Variants in PEAK1 observed in about 807,000 individuals in gnomAD.
PEAK1 encodes inactive tyrosine-protein kinase PEAK1.
Under a neutral mutation model 124.7 loss-of-function variants are expected in PEAK1, and 54 were observed. The ratio of observed to expected loss-of-function variants is 0.43; its 90% confidence interval spans 0.35 to 0.54. The LOEUF (loss-of-function observed/expected upper bound fraction) is 0.54, where lower values mean the gene tolerates loss of function less well. Among genes scored for constraint, PEAK1 ranks in the 20% least tolerant of loss-of-function variants. The pLI is 0.01. For missense variants in PEAK1, 2,046 were observed against 2,134.5 expected (o/e 0.96, Z 0.82); for synonymous variants, 719 against 760.0 (o/e 0.95, Z 0.89).
chr15:77,175,763 A>T (rs1280591476), intron 7 of PEAK1, among the ~76,000 whole-genome samples: 1 of 152,252 alleles, frequency 6.6e-6, no homozygotes, highest in Non-Finnish European at 1.5e-5. Flanking sequence ...GTATATACCC[A>T]AAGGATTATA....
intron 5 of PEAK1, among the ~76,000 whole-genome samples, chr15:77,254,800 G>A (rs536013608): frequency 7.9e-4 from 121 of 152,260 alleles, no homozygotes; most frequent in Admixed American, 2.0e-3. Flanking sequence ...ACTACTGTGT[G>A]AAAGGCAGTG....
chr15:77,250,152 T>A (rs28386806), intron 6 of PEAK1, among the ~76,000 whole-genome samples: 1 of 142,212 alleles, frequency 7.0e-6, no homozygotes, highest in Non-Finnish European at 1.5e-5. Flanking sequence ...AAGATATATA[T>A]ATACATATAT....
chr15:77,411,677 C>G (rs889985347), intron 1 of PEAK1, among the ~76,000 whole-genome samples: 1 of 152,252 alleles, frequency 6.6e-6, no homozygotes, highest in East Asian at 1.9e-4. Flanking sequence ...GCGATCATAG[C>G]TCACTGCAGC....
At chr15:77,254,525 T>C (rs1012239143) in intron 5 of PEAK1, among the ~76,000 whole-genome samples, 5 of 152,102 alleles carry the variant, frequency 3.3e-5, no homozygotes, top group Non-Finnish European at 7.4e-5. Context: ...CTTGACCTCC[T>C]AGGCTCAAGC....
chr15:77,401,649 A>T, intron 1 of PEAK1: 1 of 985,110 alleles, frequency 1.0e-6, no homozygotes, highest in Non-Finnish European at 1.2e-6. Flanking sequence ...ATTCATTAGA[A>T]CTTCAATGGA....
chr15:77,129,824 T>TAATA (rs968573390), intron 9 of PEAK1, among the ~76,000 whole-genome samples: 2 of 152,172 alleles, frequency 1.3e-5, no homozygotes, highest in African/African-American at 4.8e-5. Flanking sequence ...TAGACTATTA[T>TAATA]AAATTCCCTT....
chr15:77,179,567 C>A lies in PEAK1; in HGVS notation c.2360G>T (p.Gly787Val). The A allele has an allele frequency of 1.9e-6, 3 of 1,614,064 alleles. No homozygotes were observed. The highest frequency in any genetic ancestry group is 2.5e-6 in the Non-Finnish European group (3 of 1,179,974). ...CTCTTCCACACTGCAAGCTTTAGGGCCAGATTGAGGTGTTTCTGGAGGAGA... is the reference window on the plus strand; with the variant it reads ...CTCTTCCACACTGCAAGCTTTAGGGACAGATTGAGGTGTTTCTGGAGGAGA... Reference protein sequence around the residue: ...PQSPPETPQSGPKACSVEELY... With the variant: ...PQSPPETPQSVPKACSVEELY... Residue 787 changes from glycine to valine, a missense_variant, in exon 7 of 10, where the codon GGC becomes GTC. Gly to Val is a moderately radical substitution (Grantham distance 109). Transcript: ENST00000682557.
At chr15:77,338,640 A>T (rs1010787203) in intron 2 of PEAK1, among the ~76,000 whole-genome samples, 93 of 142,582 alleles carry the variant, frequency 6.5e-4, no homozygotes, top group African/African-American at 2.3e-3. Context: ...TCTTTAAAAA[A>T]AAAAATATAT....
intron 6 of PEAK1, among the ~76,000 whole-genome samples, chr15:77,182,277 G>C (rs986515674): frequency 2.0e-5 from 3 of 152,072 alleles, no homozygotes; most frequent in Non-Finnish European, 2.9e-5. Context: ...TCTTCAGCTT[G>C]ATGTCTCTGT....
intron 2 of PEAK1, chr15:77,348,300 G>A (rs2141408598): frequency 1.1e-6 from 1 of 881,270 alleles, no homozygotes; most frequent in Admixed American, 6.2e-5. Context: ...TCAGTAAAAT[G>A]AGTCTCATGC....
intron 2 of PEAK1, among the ~76,000 whole-genome samples, chr15:77,308,308 T>C (rs2064223386): frequency 6.6e-6 from 1 of 152,092 alleles, no homozygotes; most frequent in Non-Finnish European, 1.5e-5. Context: ...GCTATAAAGA[T>C]TTAAGCTAAT....
chr15:77,219,899 A>C (rs984620175), intron 6 of PEAK1, among the ~76,000 whole-genome samples: 6 of 152,120 alleles, frequency 3.9e-5, no homozygotes, highest in Non-Finnish European at 7.4e-5. Context: ...ATATGCTAAA[A>C]TTCATTTATT....
chr15:77,341,243 C>G (rs565840907), intron 2 of PEAK1, among the ~76,000 whole-genome samples: 1 of 152,024 alleles, frequency 6.6e-6, no homozygotes, highest in African/African-American at 2.4e-5. Context: ...TGGCTCACAC[C>G]GCCTGTAATC....
chr15:77,158,411 C>T (rs191599419), intron 8 of PEAK1, 92 bp downstream of exon 8: 28 of 1,183,256 alleles, frequency 2.4e-5, no homozygotes, highest in Non-Finnish European at 3.1e-5. Flanking sequence ...CTTCATGGAG[C>T]AATAAAAACC....
At chr15:77,395,934 A>C (rs1795497052) in intron 1 of PEAK1, among the ~76,000 whole-genome samples, 1 of 152,200 alleles carries the variant, frequency 6.6e-6, no homozygotes, top group Non-Finnish European at 1.5e-5. Flanking sequence ...CAACACTGTA[A>C]TTGTGGTGTT....
In PEAK1 at chr15:77,111,720, A is replaced by G. The variant is rs1323468235; in HGVS notation, c.*2436T>C. ...AGACTGGATCCAAATCATAACAGAA[A>G]AAGAGAAAGAAAAAAAAAGATAAGT... is the stretch of plus-strand genomic sequence containing the variant. On this transcript the variant is annotated 3_prime_UTR_variant, in exon 10 of 10. Transcript: ENST00000682557. 5 of 152,198 alleles carry G rather than the reference A, an allele frequency of 3.3e-5. No individual in the cohort carries two copies. The highest frequency in any genetic ancestry group is 5.9e-5 in the Non-Finnish European group (4 of 68,038). 9.4% of individuals were successfully genotyped at this position (152,198 alleles called of 1,614,324 possible).
At chr15:77,336,671 T>C (rs573020032) in intron 2 of PEAK1, 2 of 386,982 alleles carry the variant, frequency 5.2e-6, no homozygotes, top group South Asian at 1.1e-4. Context: ...TTCTTGATTA[T>C]ATACCTCTAT....
intron 1 of PEAK1, among the ~76,000 whole-genome samples, chr15:77,367,378 T>TA (rs974065148): frequency 6.6e-6 from 1 of 152,170 alleles, no homozygotes; most frequent in Non-Finnish European, 1.5e-5. Flanking sequence ...CCAAAGGTTG[T>TA]ATGAAAGAAT....
intron 6 of PEAK1, among the ~76,000 whole-genome samples, chr15:77,250,250 T>TATACATATAC (rs2060813779): frequency 1.4e-5 from 1 of 70,776 alleles, no homozygotes; most frequent in African/African-American, 4.1e-5. Context: ...TATATATATA[T>TATACATATAC]ATATATATTT....
Sources: allele counts gnomAD v4.1 joint callset (sites outside exome capture counted in the v4.1 genomes callset), GRCh38; gene constraint gnomAD v4.1.1; transcripts MANE v1.5; gene names NCBI Gene and HGNC (gene_info 2026-07-23, HGNC 2026-07-21).